The following TMTC2 variants were observed in gnomAD, a reference collection of about 807,000 sequenced individuals.
TMTC2 encodes the protein protein O-mannosyl-transferase TMTC2.
Under a neutral mutation model 82.4 loss-of-function variants are expected in TMTC2, and 43 were observed. That is an observed-to-expected ratio of 0.52 (90% CI 0.41 to 0.67). TMTC2 has a LOEUF of 0.67. TMTC2 is among the 30% of genes least tolerant of loss of function. The probability of loss-of-function intolerance (pLI) is 0.00; values close to 1 mark genes in which losing one functional copy is unlikely to be tolerated. For missense variants in TMTC2, 919 were observed against 1,012.4 expected, an observed-to-expected ratio of 0.91 and a Z score of 1.25; for synonymous variants, 408 against 381.9, an observed-to-expected ratio of 1.07 and a Z score of -0.80.
At chr12:83,089,872 T>G (rs1450705628) in intron 11 of TMTC2, among the ~76,000 whole-genome samples, 4 of 151,916 alleles carry the variant, frequency 2.6e-5, no homozygotes, top group African/African-American at 9.7e-5. Flanking sequence ...TATTTTAATC[T>G]CATTTTTGTC....
chr12:83,073,393 T>C (rs1883183268), intron 11 of TMTC2, among the ~76,000 whole-genome samples: 1 of 152,196 alleles, frequency 6.6e-6, no homozygotes, highest in South Asian at 2.1e-4. Flanking sequence ...GGTGCTTCTG[T>C]CTCATAGCAC....
intron 7 of TMTC2, among the ~76,000 whole-genome samples, chr12:82,976,388 T>C (rs17010280): frequency 0.051 from 7,783 of 152,152 alleles, 316 homozygotes; most frequent in Middle Eastern, 0.092. Flanking sequence ...TTCTTAACAA[T>C]TGATGTTATT....
intron 11 of TMTC2, among the ~76,000 whole-genome samples, chr12:83,066,384 G>A (rs1333723840): frequency 6.6e-6 from 1 of 151,854 alleles, no homozygotes; most frequent in African/African-American, 2.4e-5. Context: ...TAGGGCAAGG[G>A]GAGGGTATGG....
Position 82,687,369 on chromosome 12 carries a change from G to A in TMTC2, c.-218G>A. 1 of 577,154 alleles carries A rather than the reference G, an allele frequency of 1.7e-6. No individual in the cohort carries two copies. Among genetic ancestry groups the A allele is most frequent in the South Asian group, 2.0e-5 (1 of 50,134 alleles). 35.8% of individuals were successfully genotyped at this position (577,154 alleles called of 1,614,324 possible). A position where few individuals can be genotyped will look rare whatever the true frequency, so the allele number is the denominator to read the frequency against. On this transcript the variant is annotated 5_prime_UTR_variant, in exon 1 of 12. Transcript: ENST00000321196. ...GCCGGGCATGGGGAGTGTGGTGTGA[G>A]CCCGCACCCGGGGAGGACGCAGGAG...
chr12:82,945,405 T>C (rs984398736), intron 4 of TMTC2, among the ~76,000 whole-genome samples: 5 of 152,206 alleles, frequency 3.3e-5, no homozygotes, highest in Non-Finnish European at 5.9e-5. Context: ...TCCAGGACAC[T>C]GTAGGTAAAT....
chr12:82,930,354 C>A, intron 3 of TMTC2, 77 bp from the exon 4 acceptor site: 1 of 734,814 alleles, frequency 1.4e-6, no homozygotes, highest in Non-Finnish European at 2.2e-6. Context: ...CCCTGTGGTA[C>A]TTCCTGATGG....
rs67900968 is a variant in TMTC2 at position 83,026,705 on chromosome 12, AGTGTGTGTGTGTGTGTGT to A, written c.2071-4073_2071-4056del. Among the ~76,000 whole-genome samples, 13 of 143,018 alleles carry A rather than the reference AGTGTGTGTGTGTGTGTGT, an allele frequency of 9.1e-5. No homozygotes were observed. The Admixed American group carries it at 9.2e-4, about 10-fold the overall frequency. 93.8% of individuals were successfully genotyped at this position (143,018 alleles called of 152,430 possible). A position where few individuals can be genotyped will look rare whatever the true frequency, so the allele number is the denominator to read the frequency against. On this transcript the variant is annotated intron_variant, in intron 8 of 11. Coordinates refer to ENST00000321196, the MANE Select transcript of TMTC2 (RefSeq NM_152588.3). ...GGGGAGTTTTAGAAATGATTGAAGG[AGTGTGTGTGTGTGTGTGT>A]GTGTGTGTGTGTGTGTGTGAAAATA...
intron 1 of TMTC2, among the ~76,000 whole-genome samples, chr12:82,826,841 C>G (rs1274071606): frequency 6.6e-6 from 1 of 152,164 alleles, no homozygotes; most frequent in Non-Finnish European, 1.5e-5. Context: ...GCCTGGAGCC[C>G]TATCCATATT....
At chr12:82,880,430 A>G (rs956536522) in intron 2 of TMTC2, among the ~76,000 whole-genome samples, 1 of 152,190 alleles carries the variant, frequency 6.6e-6, no homozygotes, top group African/African-American at 2.4e-5. Context: ...ATGTTGCTGG[A>G]GTTCACTGTT....
chr12:83,007,088 G>T (rs1880238439), intron 8 of TMTC2, among the ~76,000 whole-genome samples: 1 of 151,178 alleles, frequency 6.6e-6, no homozygotes, highest in South Asian at 2.1e-4. Flanking sequence ...AGAACTTAAA[G>T]TATAATAGAA....
At chr12:83,027,112 A>G (rs1356825034) in intron 8 of TMTC2, among the ~76,000 whole-genome samples, 1 of 152,010 alleles carries the variant, frequency 6.6e-6, no homozygotes, top group Non-Finnish European at 1.5e-5. Context: ...TTTCTGAACC[A>G]GTACATGTGT....
At chr12:82,965,834 GT>G (rs1169570181) in intron 6 of TMTC2, 90 bp downstream of exon 6, 1 of 1,447,202 alleles carries the variant, frequency 6.9e-7, no homozygotes, top group Non-Finnish European at 9.6e-7. Context: ...TTGAGCCTAT[GT>G]CCTTTGAACA....
rs114892825 is a variant in TMTC2, at chr12:82,968,172, G to A, written c.1948+1175G>A. Among the ~76,000 whole-genome samples the A allele has an allele frequency of 4.6e-3, 707 of 152,170 alleles. 3 individuals are homozygous for A. Among genetic ancestry groups the A allele is most frequent in the African/African-American group, 0.016 (664 of 41,546 alleles). On this transcript the variant is annotated intron_variant, in intron 7 of 11. Transcript: ENST00000321196. ...GGAATCTCACCCTCAATTTGCCTGT[G>A]GAGTGATTGAATATCATATTAAACA...
At chr12:82,749,823 C>T (rs202192901) in intron 1 of TMTC2, among the ~76,000 whole-genome samples, 5 of 150,548 alleles carry the variant, frequency 3.3e-5, no homozygotes, top group Admixed American at 1.3e-4. Context: ...CTGCAACCTC[C>T]GCCTCCCGGG....
At chr12:82,840,565 A>G (rs1221040326) in intron 1 of TMTC2, among the ~76,000 whole-genome samples, 2 of 152,232 alleles carry the variant, frequency 1.3e-5, no homozygotes, top group Admixed American at 6.5e-5. Flanking sequence ...GACAGAAATT[A>G]TGTTTATTGT....
chr12:82,706,329 A>T (rs1440079672), intron 1 of TMTC2, among the ~76,000 whole-genome samples: 1 of 151,716 alleles, frequency 6.6e-6, no homozygotes, highest in African/African-American at 2.4e-5. Flanking sequence ...ATCTCAAAAA[A>T]AAAAAAAAAA....
At chr12:82,803,506 C>T (rs1448246382) in intron 1 of TMTC2, among the ~76,000 whole-genome samples, 3 of 152,048 alleles carry the variant, frequency 2.0e-5, no homozygotes, top group Non-Finnish European at 4.4e-5. Flanking sequence ...AGGAGTTTCA[C>T]AGTAGATAAA....
chr12:83,010,074 G>T (rs565595742), intron 8 of TMTC2, among the ~76,000 whole-genome samples: 1 of 152,270 alleles, frequency 6.6e-6, no homozygotes, highest in African/African-American at 2.4e-5. Flanking sequence ...TGTGCAGCCT[G>T]GTTCCAAACA....
chr12:82,699,676 C>T (rs1476051229), intron 1 of TMTC2, among the ~76,000 whole-genome samples: 12 of 152,002 alleles, frequency 7.9e-5, no homozygotes, highest in Admixed American at 7.2e-4. Context: ...AGGGTGGCAA[C>T]GTGTAATAAA....
Sources: allele counts gnomAD v4.1 joint callset (sites outside exome capture counted in the v4.1 genomes callset), GRCh38; gene constraint gnomAD v4.1.1; transcripts MANE v1.5; gene names NCBI Gene and HGNC (gene_info 2026-07-23, HGNC 2026-07-21).